MNAT1: variants seen among roughly 807,000 people sequenced by gnomAD.
The protein encoded by MNAT1 is CDK-activating kinase assembly factor MAT1.
A neutral mutation model predicts 42.0 loss-of-function variants in MNAT1; 43 were observed. That is an observed-to-expected ratio of 1.02 (90% CI 0.80 to 1.32). The LOEUF is 1.32. MNAT1 is among the 40% of genes most tolerant of loss of function. The pLI is 0.00. For missense variants in MNAT1, 306 were observed against 350.4 expected (o/e 0.87, Z 1.01); for synonymous variants, 118 against 120.0 (o/e 0.98, Z 0.11).
chr14:60,820,754 C>G (rs761738009), intron 6 of MNAT1, among the ~76,000 whole-genome samples: 3 of 151,998 alleles, frequency 2.0e-5, no homozygotes, highest in Non-Finnish European at 2.9e-5. Flanking sequence ...AGTCTATAAG[C>G]CTTTGGGTGG....
intron 1 of MNAT1, among the ~76,000 whole-genome samples, chr14:60,741,379 A>C (rs1896454819): frequency 6.6e-6 from 1 of 151,916 alleles, no homozygotes; most frequent in Non-Finnish European, 1.5e-5. Flanking sequence ...TTATTTTTTG[A>C]GATGGAATCT....
At chr14:60,771,176 T>TTTTG (rs1320571980) in intron 1 of MNAT1, among the ~76,000 whole-genome samples, 23 of 152,214 alleles carry the variant, frequency 1.5e-4, no homozygotes, top group Admixed American at 1.5e-3. Context: ...TGGAGGGTTT[T>TTTTG]TTTGTTTGTT....
At chr14:60,966,418 A>G (rs2036684432) in intron 7 of MNAT1, among the ~76,000 whole-genome samples, 1 of 151,858 alleles carries the variant, frequency 6.6e-6, no homozygotes, top group South Asian at 2.1e-4. Flanking sequence ...CCACACCCAG[A>G]CAACAATGAC....
chr14:60,968,210 ACTT>A lies in MNAT1; in HGVS notation c.810-15_810-13del, dbSNP rs568673374. 1.8e-4 allele frequency: 286 copies of A among 1,574,244 alleles called. No individual in the cohort carries two copies. The African/African-American group carries it at 3.6e-3, about 20-fold the overall frequency. ...TATTTGCTTTGTATATCAATGCTACACTTCTTGTTTTGTTTTAGGTATTTAAAC... is the reference window on the plus strand; with the variant it reads ...TATTTGCTTTGTATATCAATGCTACACTTGTTTTGTTTTAGGTATTTAAAC... On this transcript the variant is annotated splice_polypyrimidine_tract_variant and intron_variant, in intron 7 of 7. Coordinates refer to ENST00000261245, the MANE Select transcript of MNAT1 (RefSeq NM_002431.4).
chr14:60,789,149 C>G (rs2031740932), intron 1 of MNAT1, among the ~76,000 whole-genome samples: 1 of 151,976 alleles, frequency 6.6e-6, no homozygotes, highest in African/African-American at 2.4e-5. Flanking sequence ...TATTAATTGG[C>G]CTAATTTAAA....
At chr14:60,885,919 C>G (rs2034658615) in intron 7 of MNAT1, among the ~76,000 whole-genome samples, 1 of 151,906 alleles carries the variant, frequency 6.6e-6, no homozygotes, top group African/African-American at 2.4e-5. Context: ...AGTCTTTAGT[C>G]CATTTTGAGT....
chr14:60,827,339 G>A (rs71416076), intron 6 of MNAT1, among the ~76,000 whole-genome samples: 1 of 152,090 alleles, frequency 6.6e-6, no homozygotes, highest in African/African-American at 2.4e-5. Context: ...GAGCCAGAAG[G>A]GAGCAGAGTA....
intron 6 of MNAT1, among the ~76,000 whole-genome samples, chr14:60,842,980 C>T (rs532935922): frequency 6.6e-6 from 1 of 152,120 alleles, no homozygotes; most frequent in Admixed American, 6.5e-5. Context: ...ATCATGAAGT[C>T]AAAAACTTGT....
At chr14:60,786,493 C>T (rs1055353501) in intron 1 of MNAT1, among the ~76,000 whole-genome samples, 1 of 151,868 alleles carries the variant, frequency 6.6e-6, no homozygotes, top group African/African-American at 2.4e-5. Flanking sequence ...TATTGATGAC[C>T]CTCAAGACCT....
chr14:60,907,159 C>G (rs1041298541), intron 7 of MNAT1, among the ~76,000 whole-genome samples: 2 of 152,118 alleles, frequency 1.3e-5, no homozygotes, highest in Non-Finnish European at 2.9e-5. Flanking sequence ...GATGAAGAAA[C>G]AGCTGGACAC....
At chr14:60,830,882 C>T (rs1043195690) in intron 6 of MNAT1, among the ~76,000 whole-genome samples, 1 of 151,486 alleles carries the variant, frequency 6.6e-6, no homozygotes, top group Non-Finnish European at 1.5e-5. Context: ...AGTTTGAAAA[C>T]CAAGGATTAC....
At chr14:60,948,223 G>C (rs1036164576) in intron 7 of MNAT1, among the ~76,000 whole-genome samples, 2 of 152,072 alleles carry the variant, frequency 1.3e-5, no homozygotes, top group African/African-American at 4.8e-5. Context: ...TTGAGGCCAG[G>C]AGTTCGAGAA....
intron 7 of MNAT1, among the ~76,000 whole-genome samples, chr14:60,940,359 A>C (rs1232008392): frequency 2.6e-5 from 4 of 152,230 alleles, no homozygotes; most frequent in African/African-American, 4.8e-5. Flanking sequence ...ATGTTTTTGC[A>C]GTGGCTCTGG....
chr14:60,842,865 C>T (rs1290335406), intron 6 of MNAT1, among the ~76,000 whole-genome samples: 3 of 152,140 alleles, frequency 2.0e-5, no homozygotes, highest in Non-Finnish European at 4.4e-5. Context: ...AGAACACTTA[C>T]ATTAGCCCAG....
In MNAT1 at chr14:60,752,799, C is replaced by T. The variant is rs542985994; in HGVS notation, c.89+17848C>T. On this transcript the variant is annotated intron_variant, in intron 1 of 7. Coordinates refer to ENST00000261245, the MANE Select transcript of MNAT1 (RefSeq NM_002431.4). ...TTATTTTTTGAGATGGAGTCTCACT[C>T]TGTTGCCCAGGCTAGAGTGCAGTGG... Among the ~76,000 whole-genome samples, 6 of 152,350 alleles carry T rather than the reference C, an allele frequency of 3.9e-5. No individual in the cohort carries two copies. In the East Asian group the frequency reaches 1.2e-3, roughly 29 times the overall value.
chr14:60,824,792 A>G (rs1188425677), intron 6 of MNAT1, among the ~76,000 whole-genome samples: 1 of 152,204 alleles, frequency 6.6e-6, no homozygotes, highest in East Asian at 1.9e-4. Flanking sequence ...TAGCAACCAT[A>G]ATGTTACCAT....
chr14:60,890,830 CGTCT>C (rs1230709275), intron 7 of MNAT1, among the ~76,000 whole-genome samples: 1 of 152,184 alleles, frequency 6.6e-6, no homozygotes, highest in African/African-American at 2.4e-5. Context: ...ATTGAGAATG[CGTCT>C]GCCTCTCCCG....
intron 1 of MNAT1, among the ~76,000 whole-genome samples, chr14:60,755,707 A>G (rs1234581126): frequency 6.6e-6 from 1 of 152,246 alleles, no homozygotes; most frequent in Non-Finnish European, 1.5e-5. Context: ...TCCTTCCAGC[A>G]TAGTAATAAA....
At position 60,930,203 on chromosome 14, in the gene MNAT1, G is replaced by A. The variant is rs906489769; in HGVS notation, c.810-38026G>A. Among the ~76,000 whole-genome samples, 9 of 87,042 alleles carry A rather than the reference G, an allele frequency of 1.0e-4. No homozygotes were observed. The South Asian group carries it at 1.2e-3, about 12-fold the overall frequency. 57.1% of individuals were successfully genotyped at this position (87,042 alleles called of 152,430 possible). ...CTTTATTACTAAAGATTCTTCTTCC[G>A]TCTTTATTATTATTATTATTATTAT... On this transcript the variant is annotated intron_variant, in intron 7 of 7. Coordinates refer to ENST00000261245, the MANE Select transcript of MNAT1 (RefSeq NM_002431.4).
Sources: allele counts gnomAD v4.1 joint callset (sites outside exome capture counted in the v4.1 genomes callset), GRCh38; gene constraint gnomAD v4.1.1; transcripts MANE v1.5; gene names NCBI Gene and HGNC (gene_info 2026-07-23, HGNC 2026-07-21).